Variants in FBXO15 observed in about 807,000 individuals in gnomAD.
FBXO15 encodes the protein F-box only protein 15.
A neutral mutation model predicts 49.5 loss-of-function variants in FBXO15; 30 were observed. That is an observed-to-expected ratio of 0.61 (90% CI 0.45 to 0.82). FBXO15 has a LOEUF of 0.82. Among genes scored for constraint, FBXO15 ranks in the 40% least tolerant of loss-of-function variants. The pLI is 0.00. For synonymous variants in FBXO15, 250 were observed against 232.7 expected, an observed-to-expected ratio of 1.07 and a Z score of -0.68; for missense variants, 591 against 631.5, an observed-to-expected ratio of 0.94 and a Z score of 0.69.
intron 8 of FBXO15, among the ~76,000 whole-genome samples, chr18:74,093,271 G>GC (rs936014055): frequency 2.3e-4 from 35 of 150,560 alleles, no homozygotes; most frequent in East Asian, 1.0e-3. Flanking sequence ...AATGGGGGGG[G>GC]GGTGGCTGCA....
chr18:74,108,240 G>A (rs62097011), intron 8 of FBXO15, among the ~76,000 whole-genome samples: 13,318 of 151,890 alleles, frequency 0.088, 822 homozygotes, highest in Admixed American at 0.2. Flanking sequence ...TATCAGACTG[G>A]GAATTTAAAA....
chr18:74,142,246 C>T (rs530806519), intron 1 of FBXO15, among the ~76,000 whole-genome samples: 3 of 152,002 alleles, frequency 2.0e-5, no homozygotes, highest in Non-Finnish European at 4.4e-5. Context: ...TTTGCAATAC[C>T]CTCTCCTCCT....
rs555087145 is a variant in FBXO15, at chr18:74,137,168, T to C, written c.228-1302A>G. Among the ~76,000 whole-genome samples, 5 of 152,204 alleles carry C rather than the reference T, an allele frequency of 3.3e-5. No individual in the cohort carries two copies. In the South Asian group the frequency reaches 1.0e-3, roughly 32 times the overall value. On this transcript the variant is annotated intron_variant, in intron 2 of 9. Coordinates refer to ENST00000419743, the MANE Select transcript of FBXO15 (RefSeq NM_001142958.2). ...TTCTGAGAGTTTAAACGAAAAGCTT[T>C]GCTTAAGCATTAATTAAATCAGTCC... is the stretch of plus-strand genomic sequence containing the variant.
rs1480311405 is a variant in FBXO15, at chr18:74,090,423, G to A, written c.1139-8372C>T. ...TTTCCTTTAGTTCAGCTCTGATTTT[G>A]GTTATCTCTTGTCTTCTGCTAACTT... On this transcript the variant is annotated intron_variant, in intron 8 of 9. Coordinates refer to ENST00000419743, the MANE Select transcript of FBXO15 (RefSeq NM_001142958.2). 2.6e-5 allele frequency among the ~76,000 whole-genome samples: 4 copies of A among 151,764 alleles called. No homozygotes were observed. In the East Asian group the frequency reaches 7.7e-4, roughly 29 times the overall value.
chr18:74,082,793 C>T (rs995353617), intron 8 of FBXO15, among the ~76,000 whole-genome samples: 5 of 152,184 alleles, frequency 3.3e-5, no homozygotes, highest in African/African-American at 4.8e-5. Flanking sequence ...ACAAACCAAC[C>T]GACAGCAACA....
At chr18:74,082,177 A>AC (rs71168453) in intron 8 of FBXO15, 126 bp from the exon 9 acceptor site, 28,510 of 816,450 alleles carry the variant, frequency 0.035, 616 homozygotes, top group Non-Finnish European at 0.043. Flanking sequence ...GATGAGGGCA[A>AC]CATGGGCACA....
chr18:74,109,872 T>C (rs1180851299), intron 8 of FBXO15, among the ~76,000 whole-genome samples: 2 of 151,918 alleles, frequency 1.3e-5, no homozygotes, highest in Non-Finnish European at 2.9e-5. Context: ...GAGAAATACC[T>C]AATGTAGATG....
At chr18:74,110,995 C>A (rs558027273) in intron 8 of FBXO15, among the ~76,000 whole-genome samples, 1 of 152,258 alleles carries the variant, frequency 6.6e-6, no homozygotes, top group East Asian at 1.9e-4. Flanking sequence ...CAGAAATTGA[C>A]AGATCCAGCA....
chr18:74,084,740 T>C (rs919000239), intron 8 of FBXO15, among the ~76,000 whole-genome samples: 1 of 152,162 alleles, frequency 6.6e-6, no homozygotes, highest in African/African-American at 2.4e-5. Flanking sequence ...CTGGTAAGCA[T>C]GGCCTTTAGA....
chr18:74,130,645 C>T lies in FBXO15; in HGVS notation c.346G>A (p.Gly116Arg), dbSNP rs200318148. 2.9e-5 allele frequency: 47 copies of T among 1,612,418 alleles called. No individual in the cohort carries two copies. The East Asian group carries it at 5.8e-4, about 20-fold the overall frequency. ...HLANDNFIWI[G>R]IYSTAFSPAR... ...GGTGAAAAAGCAGTTGAGTAGATTC[C>T]GATCCAAATAAAACTGGAGGGAAAA... The change falls in exon 4 of 10, where the codon GGA (glycine) becomes AGA (arginine). Residue 116 changes from glycine to arginine, a missense_variant. By Grantham distance (125) the Gly-to-Arg change is moderately radical. Transcript: ENST00000419743.
intron 8 of FBXO15, among the ~76,000 whole-genome samples, chr18:74,106,694 TAGTC>T (rs1568166920): frequency 6.6e-6 from 1 of 152,186 alleles, no homozygotes; most frequent in African/African-American, 2.4e-5. Flanking sequence ...ACCTCTGTGA[TAGTC>T]AGTTTTTAAA....
intron 8 of FBXO15, among the ~76,000 whole-genome samples, chr18:74,110,337 A>T (rs975612144): frequency 3.3e-5 from 5 of 151,672 alleles, no homozygotes; most frequent in African/African-American, 4.8e-5. Flanking sequence ...TTTGAAAGTG[A>T]AACTGGATTT....
In FBXO15 at chr18:74,119,156, C is replaced by T. The variant is rs113546406; in HGVS notation, c.1138+4212G>A. Among the ~76,000 whole-genome samples, 474 of 152,352 alleles carry T rather than the reference C, an allele frequency of 3.1e-3. 2 individuals are homozygous for T. The highest frequency in any genetic ancestry group is 0.011 in the African/African-American group (456 of 41,598). ...CAAGAAGGGCCAGCCTGCAGCTCTG[C>T]TCTGCAGCATCCTGAAGCTGCATCT... On this transcript the variant is annotated intron_variant, in intron 8 of 9. Coordinates refer to ENST00000419743, the MANE Select transcript of FBXO15 (RefSeq NM_001142958.2).
rs1239510134 is a variant in FBXO15, at chr18:74,074,898, A to T, written c.1264-1168T>A. On this transcript the variant is annotated intron_variant, in intron 9 of 9. Transcript: ENST00000419743. The surrounding 1 kb of genome is among the most constrained non-coding windows in gnomAD (Gnocchi z 4.7). ...TTCCTTCTCCCGCCTCTTCCTTTCC[A>T]CTTTAGATTTCACTGGCCTTTGCTG... Among the ~76,000 whole-genome samples the T allele has an allele frequency of 6.6e-6, 1 of 151,632 alleles. No homozygotes were observed. The highest frequency in any genetic ancestry group is 1.9e-4 in the East Asian group (1 of 5,142).
intron 1 of FBXO15, among the ~76,000 whole-genome samples, chr18:74,145,494 C>G (rs574731346): frequency 4.5e-4 from 69 of 151,688 alleles, no homozygotes; most frequent in Non-Finnish European, 8.5e-4. Context: ...TGTCAGAGCT[C>G]TCTGTACCAT....
Position 74,116,813 on chromosome 18 carries a change from C to T in FBXO15, c.1138+6555G>A, listed in dbSNP as rs575037117. On this transcript the variant is annotated intron_variant, in intron 8 of 9. Transcript: ENST00000419743. ...GTGGCCCATGTCCTGCATTCAATAA[C>T]GGTTTGTTAATAGATGAACCCCAGA... Among the ~76,000 whole-genome samples, 6 of 152,222 alleles carry T rather than the reference C, an allele frequency of 3.9e-5. No individual in the cohort carries two copies. In the South Asian group the frequency reaches 1.2e-3, roughly 32 times the overall value.
intron 8 of FBXO15, among the ~76,000 whole-genome samples, chr18:74,091,703 G>A (rs115138802): frequency 6.6e-6 from 1 of 152,300 alleles, no homozygotes; most frequent in African/African-American, 2.4e-5. Flanking sequence ...CAAGAATGCT[G>A]ACTAAAGGCA....
chr18:74,086,567 C>T (rs895584067), intron 8 of FBXO15, among the ~76,000 whole-genome samples: 13 of 152,188 alleles, frequency 8.5e-5, no homozygotes, highest in Non-Finnish European at 1.6e-4. Flanking sequence ...CCCGCCACCA[C>T]GCCTGACTAA....
intron 8 of FBXO15, among the ~76,000 whole-genome samples, chr18:74,111,998 G>C (rs1292804525): frequency 6.6e-6 from 1 of 152,076 alleles, no homozygotes; most frequent in Non-Finnish European, 1.5e-5. Flanking sequence ...AGAAGAAATA[G>C]ATAATCTGAA....
Sources: gnomAD v4.1 joint callset for allele counts (sites outside exome capture counted in the v4.1 genomes callset) on GRCh38, gnomAD v4.1.1 for gene constraint, Gnocchi (gnomAD v3.1) non-coding constraint, MANE v1.5 for transcripts, NCBI Gene and HGNC (gene_info 2026-07-23, HGNC 2026-07-21) for gene names.